Variants in DHX29 observed in about 807,000 individuals in gnomAD.
DHX29 encodes ATP-dependent RNA helicase DHX29.
In DHX29, 79 loss-of-function variants were observed where a neutral mutation model predicts 167.9. That is an observed-to-expected ratio of 0.47 (90% CI 0.39 to 0.57). The LOEUF (loss-of-function observed/expected upper bound fraction) is 0.57. Among genes scored for constraint, DHX29 ranks in the 20% least tolerant of loss-of-function variants. DHX29 has a pLI of 0.00. For missense variants in DHX29, 1,347 were observed against 1,593.4 expected, an observed-to-expected ratio of 0.85 and a Z score of 2.63; for synonymous variants, 530 against 546.0, an observed-to-expected ratio of 0.97 and a Z score of 0.41.
intron 18 of DHX29, among the ~76,000 whole-genome samples, chr5:55,271,256 C>T (rs1746840864): frequency 6.6e-6 from 1 of 152,154 alleles, no homozygotes; most frequent in Non-Finnish European, 1.5e-5. Context: ...ATTATTTATA[C>T]AGTAGTAATC....
chr5:55,305,514 G>T (rs1164405508), intron 1 of DHX29, among the ~76,000 whole-genome samples: 1 of 152,222 alleles, frequency 6.6e-6, no homozygotes, highest in East Asian at 1.9e-4. Context: ...GGATGCCATG[G>T]AAGAAAATAG....
chr5:55,256,455 A>G lies in DHX29; in HGVS notation c.*33T>C, dbSNP rs897229822. Reference sequence around the variant, plus strand: ...AATTTCATGACTGTATCTTCATCTTAATTTTTAAAGCAGTTGACCATGAAT... The same window carrying G: ...AATTTCATGACTGTATCTTCATCTTGATTTTTAAAGCAGTTGACCATGAAT... On this transcript the variant is annotated 3_prime_UTR_variant, in exon 27 of 27. Coordinates refer to ENST00000251636, the MANE Select transcript of DHX29 (RefSeq NM_019030.4). 6.4e-7 allele frequency: 1 copy of G among 1,553,934 alleles called. No homozygotes were observed. Among genetic ancestry groups the G allele is most frequent in the African/African-American group, 1.4e-5 (1 of 71,714 alleles).
At chr5:55,270,974 TTAG>T (rs1361733969) in intron 18 of DHX29, among the ~76,000 whole-genome samples, 8 of 152,364 alleles carry the variant, frequency 5.3e-5, no homozygotes, top group Middle Eastern at 3.4e-3. Flanking sequence ...TTTTTTAAAT[TTAG>T]TAGAATACCT....
At chr5:55,307,260 T>C (rs920801904) in intron 1 of DHX29, 127 bp downstream of exon 1, 1 of 782,842 alleles carries the variant, frequency 1.3e-6, no homozygotes, top group Non-Finnish European at 2.0e-6. Flanking sequence ...CATGGGGAGG[T>C]AGCAGCTCGA....
intron 8 of DHX29, among the ~76,000 whole-genome samples, chr5:55,288,472 A>G (rs1747861284): frequency 6.6e-6 from 1 of 151,474 alleles, no homozygotes. Context: ...AAAAATAACT[A>G]AAACACTTCC....
chr5:55,276,224 G>C, intron 14 of DHX29, 42 bp downstream of exon 14: 1 of 1,484,442 alleles, frequency 6.7e-7, no homozygotes, highest in Admixed American at 2.3e-5. Flanking sequence ...GTTAGGCCCT[G>C]GATATCATTA....
intron 1 of DHX29, among the ~76,000 whole-genome samples, chr5:55,300,834 C>T (rs1057217939): frequency 2.0e-5 from 3 of 152,170 alleles, no homozygotes; most frequent in African/African-American, 7.2e-5. Context: ...CAGACTGCCA[C>T]AACAAAATAC....
chr5:55,305,144 T>C (rs147052955), intron 1 of DHX29, among the ~76,000 whole-genome samples: 1 of 152,342 alleles, frequency 6.6e-6, no homozygotes, highest in African/African-American at 2.4e-5. Flanking sequence ...CCTCCTGTAA[T>C]TTTGTTGGAT....
At chr5:55,281,785 CTTT>C (rs200474683) in intron 11 of DHX29, among the ~76,000 whole-genome samples, 2 of 139,136 alleles carry the variant, frequency 1.4e-5, no homozygotes, top group Non-Finnish European at 1.6e-5. Context: ...AACAGAAAAA[CTTT>C]TTTTTTTTTT....
At chr5:55,266,250 GC>G (rs1746562149) in intron 23 of DHX29, among the ~76,000 whole-genome samples, 1 of 149,692 alleles carries the variant, frequency 6.7e-6, no homozygotes, top group Non-Finnish European at 1.5e-5. Flanking sequence ...ACCCGCCTCG[GC>G]CTCCCAAAGT....
rs975763510 is a variant in DHX29, at chr5:55,274,898, A to G, written c.2540T>C (p.Leu847Pro). Residue 847 changes from leucine (L) to proline (P), a missense_variant, in exon 15 of 27, where the codon CTG (leucine) becomes CCG (proline). By Grantham distance (98) the Leu-to-Pro change is moderately conservative. This residue lies in a region of DHX29 where 882 missense variants were observed against 1,082.4 expected (regional missense o/e 0.81). Coordinates refer to ENST00000251636, the MANE Select transcript of DHX29 (RefSeq NM_019030.4). ...TGCAAGAAGTTCCAAAATGAGATCCAGGTTGATTTTATGAGGATTCATGTA... is the reference window on the plus strand; with the variant it reads ...TGCAAGAAGTTCCAAAATGAGATCCGGGTTGATTTTATGAGGATTCATGTA... Reference protein sequence around the residue: ...ILYMNPHKINLDLILELLAYL... With the variant: ...ILYMNPHKINPDLILELLAYL... The G allele has an allele frequency of 6.2e-6, 10 of 1,613,716 alleles. No individual in the cohort carries two copies. Among genetic ancestry groups the G allele is most frequent in the Non-Finnish European group, 8.5e-6 (10 of 1,179,882 alleles).
Position 55,283,752 on chromosome 5 carries a change from T to G in DHX29, c.1416A>C (p.Ala472=), listed in dbSNP as rs768514977. ...YRDVWLEWSD[A]EKKREELNKM... The stretch of plus-strand genomic sequence containing the variant: ...TATTTAATTCTTCCCTTTTCTTTTC[T>G]GCATCACTCCACTCCAGCCAAACAT... Residue 472 remains alanine (A), a synonymous_variant, in exon 11 of 27, where the codon GCA becomes GCC. Coordinates refer to ENST00000251636, the MANE Select transcript of DHX29 (RefSeq NM_019030.4). 6.2e-6 allele frequency: 10 copies of G among 1,613,500 alleles called. No homozygotes were observed. In the South Asian group the frequency reaches 1.1e-4, roughly 18 times the overall value.
At chr5:55,293,546 G>A (rs1179393686) in intron 6 of DHX29, among the ~76,000 whole-genome samples, 1 of 152,094 alleles carries the variant, frequency 6.6e-6, no homozygotes, top group Admixed American at 6.5e-5. Flanking sequence ...CTACTTTTGT[G>A]AGGTGTCTAT....
Position 55,283,632 on chromosome 5 carries a change from A to G in DHX29, c.1536T>C (p.Asn512=), listed in dbSNP as rs774771839. 4 of 1,613,902 alleles carry G rather than the reference A, an allele frequency of 2.5e-6. No individual in the cohort carries two copies. The highest frequency in any genetic ancestry group is 3.4e-6 in the Non-Finnish European group (4 of 1,179,984). Residue 512 remains asparagine (N), a synonymous_variant, in exon 11 of 27, where the codon AAT becomes AAC. Coordinates refer to ENST00000251636, the MANE Select transcript of DHX29 (RefSeq NM_019030.4). Reference sequence around the variant, plus strand: ...CGGGATCTTCAGAGTTTTCTCTCTTATTTTCAGAATGCTGTTGTTGCTGCT... The same window carrying G: ...CGGGATCTTCAGAGTTTTCTCTCTTGTTTTCAGAATGCTGTTGTTGCTGCT... ...QQQQQQQHSE[N]KRENSEDPEE...
intron 8 of DHX29, among the ~76,000 whole-genome samples, 193 bp from the exon 9 acceptor site, chr5:55,286,054 A>T (rs1401151132): frequency 6.6e-6 from 1 of 152,090 alleles, no homozygotes; most frequent in Non-Finnish European, 1.5e-5. Flanking sequence ...GGAGATCGAG[A>T]CCATCCTGGC....
chr5:55,275,067 CAAA>C, intron 14 of DHX29, 57 bp from the exon 15 acceptor site: 1 of 1,572,710 alleles, frequency 6.4e-7, no homozygotes, highest in Non-Finnish European at 8.6e-7. Flanking sequence ...TTTTGTAAGA[CAAA>C]GAAGGAAAAA....
chr5:55,287,850 G>C (rs1579799272), intron 8 of DHX29, among the ~76,000 whole-genome samples: 1 of 151,798 alleles, frequency 6.6e-6, no homozygotes, highest in East Asian at 1.9e-4. Context: ...TGGGGAGCCT[G>C]AGGCAGGAGA....
At chr5:55,279,162 C>T (rs1026172024) in intron 12 of DHX29, among the ~76,000 whole-genome samples, 2 of 152,078 alleles carry the variant, frequency 1.3e-5, no homozygotes, top group African/African-American at 2.4e-5. Context: ...CCAGTGAATA[C>T]GGAGAAAAGT....
chr5:55,279,064 G>T lies in DHX29; in HGVS notation c.2110-1782C>A, dbSNP rs934113906. 1.3e-5 allele frequency among the ~76,000 whole-genome samples: 2 copies of T among 152,188 alleles called. 1 individual carries two copies. The highest frequency in any genetic ancestry group is 4.1e-4 in the South Asian group (2 of 4,832). ...TGGCTACAATGTGGAAAATGTGGTG[G>T]AGGAGAGCAAAATAAAGCAGGAAGT... On this transcript the variant is annotated intron_variant, in intron 12 of 26. Transcript: ENST00000251636.
Sources: allele counts gnomAD v4.1 joint callset (sites outside exome capture counted in the v4.1 genomes callset), GRCh38; gene constraint gnomAD v4.1.1; regional missense constraint gnomAD v4.1.1; transcripts MANE v1.5; gene names NCBI Gene and HGNC (gene_info 2026-07-23, HGNC 2026-07-21).